The following IL15 variants were observed in gnomAD, a reference collection of about 807,000 sequenced individuals.
IL15 encodes interleukin 15, also known as interleukin-15.
Under a neutral mutation model 19.6 loss-of-function variants are expected in IL15, and 11 were observed. That is an observed-to-expected ratio of 0.56 (90% CI 0.35 to 0.93). The LOEUF is 0.93. IL15 is among the 40% of genes least tolerant of loss of function. The pLI, the probability that IL15 is intolerant of heterozygous loss-of-function variation, is 0.01. For missense variants in IL15, 197 were observed against 186.5 expected (o/e 1.06, Z -0.33); for synonymous variants, 58 against 59.6 (o/e 0.97, Z 0.12).
intron 7 of IL15, among the ~76,000 whole-genome samples, chr4:141,731,497 C>T (rs769602581): frequency 4.6e-5 from 7 of 152,074 alleles, no homozygotes; most frequent in Non-Finnish European, 1.0e-4. Flanking sequence ...GAGTGAGCCA[C>T]GCAACAGGTA....
chr4:141,721,883 AG>A (rs1730094519), intron 4 of IL15, 40 bp from the exon 5 acceptor site: 1 of 1,499,660 alleles, frequency 6.7e-7, no homozygotes, highest in African/African-American at 1.4e-5. Flanking sequence ...CAAGATGAAT[AG>A]GCTCCTTCAA....
rs1730088994 is a variant in IL15, at chr4:141,721,741, C to T, written c.111-183C>T. The T allele has an allele frequency of 6.3e-5, 39 of 620,990 alleles. 1 individual carries two copies. In the South Asian group the frequency reaches 8.1e-4, roughly 13 times the overall value. 38.5% of individuals were successfully genotyped at this position (620,990 alleles called of 1,614,324 possible). A position where few individuals can be genotyped will look rare whatever the true frequency, so the allele number is the denominator to read the frequency against. ...GAAGCCTCAAGTTATCATAAAATGC[C>T]AAAATTGTACTATATGCTCAATGTT... On this transcript the variant is annotated intron_variant, in intron 4 of 7. Coordinates refer to ENST00000320650, the MANE Select transcript of IL15 (RefSeq NM_000585.5).
intron 2 of IL15, among the ~76,000 whole-genome samples, chr4:141,660,474 G>T (rs940415998): frequency 6.6e-6 from 1 of 152,028 alleles, no homozygotes; most frequent in Non-Finnish European, 1.5e-5. Context: ...GGTATTATGC[G>T]CTCATTATAG....
intron 2 of IL15, among the ~76,000 whole-genome samples, chr4:141,704,979 A>C (rs1366305964): frequency 6.6e-6 from 1 of 150,948 alleles, no homozygotes; most frequent in South Asian, 2.1e-4. Context: ...CTTGTTTTTT[A>C]CCATAGGTAA....
chr4:141,666,246 G>A (rs1727980344), intron 2 of IL15, among the ~76,000 whole-genome samples: 1 of 151,986 alleles, frequency 6.6e-6, no homozygotes, highest in Non-Finnish European at 1.5e-5. Flanking sequence ...GACTACAGGC[G>A]CCCACCACTA....
chr4:141,658,467 A>G (rs1291617601), intron 2 of IL15, among the ~76,000 whole-genome samples: 1 of 152,146 alleles, frequency 6.6e-6, no homozygotes, highest in Non-Finnish European at 1.5e-5. Context: ...GCAGTATGTC[A>G]TTGACTGAAA....
chr4:141,637,804 T>C (rs1003247297), intron 1 of IL15, among the ~76,000 whole-genome samples: 1 of 152,230 alleles, frequency 6.6e-6, no homozygotes, highest in Non-Finnish European at 1.5e-5. Context: ...ATTATGATAC[T>C]GGTGGTGGCC....
chr4:141,644,898 C>T (rs1023226566), intron 1 of IL15, among the ~76,000 whole-genome samples: 3 of 152,088 alleles, frequency 2.0e-5, no homozygotes, highest in South Asian at 2.1e-4. Flanking sequence ...ATACATGTTC[C>T]GGATTAAGGT....
At chr4:141,712,615 TTAAA>T (rs1560933028) in intron 2 of IL15, among the ~76,000 whole-genome samples, 1 of 148,088 alleles carries the variant, frequency 6.8e-6, no homozygotes, top group Non-Finnish European at 1.5e-5. Flanking sequence ...AATATATTGT[TTAAA>T]TATATATTAA....
chr4:141,676,666 A>C (rs1331270773), intron 2 of IL15, among the ~76,000 whole-genome samples: 1 of 152,218 alleles, frequency 6.6e-6, no homozygotes, highest in Non-Finnish European at 1.5e-5. Flanking sequence ...CATTAGCCCA[A>C]AGCAATAAAT....
At chr4:141,648,967 G>A (rs1377436427) in intron 1 of IL15, among the ~76,000 whole-genome samples, 2 of 152,090 alleles carry the variant, frequency 1.3e-5, no homozygotes, top group African/African-American at 4.8e-5. Context: ...AAAAGACGCA[G>A]CACATTTGAT....
chr4:141,702,270 T>C (rs1729346232), intron 2 of IL15, among the ~76,000 whole-genome samples: 1 of 152,170 alleles, frequency 6.6e-6, no homozygotes, highest in Non-Finnish European at 1.5e-5. Flanking sequence ...TTCTCTCCCT[T>C]CCCCTAAAAA....
intron 2 of IL15, among the ~76,000 whole-genome samples, chr4:141,712,508 T>C (rs1729744997): frequency 6.6e-6 from 1 of 151,760 alleles, no homozygotes; most frequent in African/African-American, 2.4e-5. Flanking sequence ...ATCTACCATA[T>C]ATCCCCTCCA....
chr4:141,711,968 G>A (rs981176848), intron 2 of IL15, among the ~76,000 whole-genome samples: 2 of 152,060 alleles, frequency 1.3e-5, no homozygotes, highest in African/African-American at 2.4e-5. Flanking sequence ...CTATTAGCAT[G>A]TGTTTCATTA....
intron 2 of IL15, among the ~76,000 whole-genome samples, chr4:141,673,726 T>C (rs1486549818): frequency 6.6e-6 from 1 of 152,234 alleles, no homozygotes; most frequent in African/African-American, 2.4e-5. Context: ...TTTTTGTCCA[T>C]TTATATCATA....
rs752225653 is a variant in IL15 at position 141,732,719 on chromosome 4, C to G, written c.379-19C>G. 3 of 1,598,706 alleles carry G rather than the reference C, an allele frequency of 1.9e-6. No individual in the cohort carries two copies. Among genetic ancestry groups the G allele is most frequent in the Non-Finnish European group, 2.6e-6 (3 of 1,175,684 alleles). On this transcript the variant is annotated intron_variant, in intron 7 of 7. Coordinates refer to ENST00000320650, the MANE Select transcript of IL15 (RefSeq NM_000585.5). Reference sequence around the variant, plus strand: ...TTTAATTATAAATTGCCAATTTAATCTCTCTCTATATTTTGCAGAATGTAA... The same window carrying G: ...TTTAATTATAAATTGCCAATTTAATGTCTCTCTATATTTTGCAGAATGTAA...
Position 141,729,999 on chromosome 4 carries a change from A to G in IL15, c.378+15A>G, listed in dbSNP as rs1221884613. On this transcript the variant is annotated intron_variant, in intron 7 of 7. Transcript: ENST00000320650. The stretch of plus-strand genomic sequence containing the variant: ...CTTCTAATGGGGTGAGTTTTCCAAC[A>G]GTTGCTTAGAGTTGCATCTTATGTT... 9 of 1,593,570 alleles carry G rather than the reference A, an allele frequency of 5.6e-6. No homozygotes were observed. Among genetic ancestry groups the G allele is most frequent in the Admixed American group, 5.0e-5 (3 of 59,868 alleles).
chr4:141,644,637 C>T (rs1727159408), intron 1 of IL15, among the ~76,000 whole-genome samples: 1 of 152,138 alleles, frequency 6.6e-6, no homozygotes, highest in Admixed American at 6.5e-5. Context: ...CTTTAAGTCT[C>T]TAAACTGGAT....
intron 2 of IL15, among the ~76,000 whole-genome samples, chr4:141,668,179 C>T (rs998740525): frequency 1.1e-4 from 16 of 152,210 alleles, no homozygotes; most frequent in African/African-American, 3.9e-4. Flanking sequence ...CATAGTGCCA[C>T]ATATGGCGGG....
Sources: gnomAD v4.1 joint callset for allele counts (sites outside exome capture counted in the v4.1 genomes callset) on GRCh38, gnomAD v4.1.1 for gene constraint, MANE v1.5 for transcripts, NCBI Gene and HGNC (gene_info 2026-07-23, HGNC 2026-07-21) for gene names.